The following CPQ variants were observed in gnomAD, a reference collection of about 807,000 sequenced individuals.
The protein encoded by CPQ is Ser-Met dipeptidase.
In CPQ, 37 loss-of-function variants were observed where a neutral mutation model predicts 45.7. The ratio of observed to expected loss-of-function variants is 0.81; its 90% CI spans 0.62 to 1.07. The LOEUF (loss-of-function observed/expected upper bound fraction) is 1.07, where lower values mean the gene tolerates loss of function less well. CPQ is among the 50% of genes least tolerant of loss of function. The pLI, the probability that CPQ is intolerant of heterozygous loss-of-function variation, is 0.00. For missense variants in CPQ, 537 were observed against 572.9 expected, an observed-to-expected ratio of 0.94 and a Z score of 0.64; for synonymous variants, 186 against 205.8, an observed-to-expected ratio of 0.90 and a Z score of 0.82.
At chr8:96,929,882 G>T (rs919054165) in intron 4 of CPQ, among the ~76,000 whole-genome samples, 3 of 152,162 alleles carry the variant, frequency 2.0e-5, no homozygotes, top group African/African-American at 7.2e-5. Context: ...TAATTGCTAT[G>T]CTTTGGAAAC....
intron 1 of CPQ, among the ~76,000 whole-genome samples, chr8:96,686,643 T>G (rs1809231745): frequency 6.6e-6 from 1 of 152,028 alleles, no homozygotes; most frequent in Non-Finnish European, 1.5e-5. Flanking sequence ...CAAGTGAGTT[T>G]AGGCTATATT....
chr8:96,704,090 C>T (rs1423217240), intron 1 of CPQ, among the ~76,000 whole-genome samples: 1 of 152,114 alleles, frequency 6.6e-6, no homozygotes, highest in Non-Finnish European at 1.5e-5. Context: ...GGGGATATAG[C>T]AGTAAGACAA....
At chr8:96,763,163 C>A (rs980576061) in intron 1 of CPQ, among the ~76,000 whole-genome samples, 2 of 152,122 alleles carry the variant, frequency 1.3e-5, no homozygotes. Context: ...CAAATGAACT[C>A]ATTTTAACTT....
At position 97,072,961 on chromosome 8, in the gene CPQ, T is replaced by C. The variant is rs141111516; in HGVS notation, c.1255+6751T>C. On this transcript the variant is annotated intron_variant, in intron 7 of 7. Coordinates refer to ENST00000220763, the MANE Select transcript of CPQ (RefSeq NM_016134.4). Reference sequence around the variant, plus strand: ...TCAAATGCTGAATAAGCAGGATCCATGTCTGTAGGAAGAGTAAGATAATGC... The same window carrying C: ...TCAAATGCTGAATAAGCAGGATCCACGTCTGTAGGAAGAGTAAGATAATGC... 2.3e-3 allele frequency among the ~76,000 whole-genome samples: 357 copies of C among 152,298 alleles called. 6 individuals are homozygous for C. Among genetic ancestry groups the C allele is most frequent in the Admixed American group, 0.016 (242 of 15,286 alleles).
At position 96,715,943 on chromosome 8, in the gene CPQ, A is replaced by C. The variant is rs564071847; in HGVS notation, c.-34-68921A>C. Among the ~76,000 whole-genome samples the C allele has an allele frequency of 1.1e-4, 16 of 152,366 alleles. No homozygotes were observed. The South Asian group carries it at 3.3e-3, about 32-fold the overall frequency. On this transcript the variant is annotated intron_variant, in intron 1 of 7. Transcript: ENST00000220763. The stretch of plus-strand genomic sequence containing the variant: ...GTGAACTGTCCTCAAGTCTCTGAGC[A>C]GCAGGTACCAGCACTAGCTCTGATG...
At chr8:97,126,380 G>A (rs1167576201) in intron 7 of CPQ, among the ~76,000 whole-genome samples, 2 of 152,154 alleles carry the variant, frequency 1.3e-5, no homozygotes, top group East Asian at 1.9e-4. Flanking sequence ...CAAAGTTGTG[G>A]TTTTAGCGGT....
chr8:96,751,489 A>AT (rs1810258305), intron 1 of CPQ, among the ~76,000 whole-genome samples: 1 of 151,526 alleles, frequency 6.6e-6, no homozygotes, highest in African/African-American at 2.4e-5. Flanking sequence ...GGGTTGTTTA[A>AT]TTTTTTCTTG....
chr8:96,756,956 C>T (rs1189324743), intron 1 of CPQ, among the ~76,000 whole-genome samples: 1 of 152,090 alleles, frequency 6.6e-6, no homozygotes, highest in African/African-American at 2.4e-5. Flanking sequence ...ATAAAGGGTG[C>T]ATGGGAGGTA....
intron 1 of CPQ, among the ~76,000 whole-genome samples, chr8:96,725,933 T>A (rs1323132872): frequency 6.6e-6 from 1 of 152,152 alleles, no homozygotes; most frequent in Non-Finnish European, 1.5e-5. Flanking sequence ...ATTGTGTTAT[T>A]TGGAGCAACA....
intron 7 of CPQ, among the ~76,000 whole-genome samples, chr8:97,089,830 C>G (rs1437116469): frequency 6.6e-6 from 1 of 152,078 alleles, no homozygotes; most frequent in Admixed American, 6.6e-5. Context: ...TTAACAATCT[C>G]CTGTACAGCT....
Position 97,137,377 on chromosome 8 carries a change from C to T in CPQ, c.1256-5643C>T, listed in dbSNP as rs570367051. 1.6e-3 allele frequency among the ~76,000 whole-genome samples: 237 copies of T among 152,308 alleles called. 1 individual carries two copies. Among genetic ancestry groups the T allele is most frequent in the African/African-American group, 5.1e-3 (214 of 41,570 alleles). On this transcript the variant is annotated intron_variant, in intron 7 of 7. Coordinates refer to ENST00000220763, the MANE Select transcript of CPQ (RefSeq NM_016134.4). ...CTCTGTCTGCTGGAATTAAATGTCCCTTCCTGTTTCCTGACATCCACAATT... is the reference window on the plus strand; with the variant it reads ...CTCTGTCTGCTGGAATTAAATGTCCTTTCCTGTTTCCTGACATCCACAATT...
At chr8:97,012,872 T>C (rs1809514419) in intron 5 of CPQ, among the ~76,000 whole-genome samples, 1 of 152,178 alleles carries the variant, frequency 6.6e-6, no homozygotes, top group African/African-American at 2.4e-5. Context: ...CTAAATTTTC[T>C]TTTATCTCAA....
chr8:97,054,568 AT>A (rs1201577900), intron 6 of CPQ, among the ~76,000 whole-genome samples: 3 of 152,256 alleles, frequency 2.0e-5, no homozygotes, highest in African/African-American at 7.2e-5. Context: ...TGTTACATAC[AT>A]ACCACGGAAT....
At chr8:97,008,288 A>G (rs1324786109) in intron 5 of CPQ, among the ~76,000 whole-genome samples, 1 of 152,200 alleles carries the variant, frequency 6.6e-6, no homozygotes, top group Non-Finnish European at 1.5e-5. Context: ...AGCCAAGGAG[A>G]GCTGGGAAGC....
intron 1 of CPQ, among the ~76,000 whole-genome samples, chr8:96,700,535 G>A (rs1251957648): frequency 6.6e-6 from 1 of 152,110 alleles, no homozygotes; most frequent in Non-Finnish European, 1.5e-5. Flanking sequence ...CTGGCTTGAA[G>A]CAGAACATCT....
At chr8:96,970,078 G>A (rs898984825) in intron 5 of CPQ, among the ~76,000 whole-genome samples, 3 of 152,100 alleles carry the variant, frequency 2.0e-5, no homozygotes, top group Admixed American at 6.5e-5. Flanking sequence ...TTAGAAATGG[G>A]GACCCATCTG....
intron 6 of CPQ, among the ~76,000 whole-genome samples, chr8:97,045,321 ATTT>A (rs1217671055): frequency 5.3e-5 from 8 of 152,242 alleles, no homozygotes; most frequent in Admixed American, 2.6e-4. Flanking sequence ...CTGGTGCGCC[ATTT>A]TTTAAGCCCG....
chr8:96,819,151 AT>A (rs1811266931), intron 2 of CPQ, among the ~76,000 whole-genome samples: 1 of 152,086 alleles, frequency 6.6e-6, no homozygotes, highest in African/African-American at 2.4e-5. Context: ...TCATCACACA[AT>A]TACCTTTTAA....
intron 1 of CPQ, among the ~76,000 whole-genome samples, chr8:96,718,511 C>G (rs372714500): frequency 6.6e-6 from 1 of 152,092 alleles, no homozygotes; most frequent in African/African-American, 2.4e-5. Context: ...AAGCTGCAGA[C>G]CTTCGTGGTG....
Sources: allele counts gnomAD v4.1 joint callset (sites outside exome capture counted in the v4.1 genomes callset), GRCh38; gene constraint gnomAD v4.1.1; transcripts MANE v1.5; gene names NCBI Gene and HGNC (gene_info 2026-07-23, HGNC 2026-07-21).